The following CNTNAP4 variants were observed in gnomAD, a reference collection of about 807,000 sequenced individuals.
CNTNAP4 encodes contactin associated protein family member 4.
Under a neutral mutation model 148.4 loss-of-function variants are expected in CNTNAP4, and 98 were observed. The ratio of observed to expected loss-of-function variants is 0.66; its 90% CI spans 0.56 to 0.78. CNTNAP4 has a LOEUF of 0.78. Ranked by LOEUF, CNTNAP4 falls within the 30% of genes least tolerant of loss-of-function variation. The probability of loss-of-function intolerance (pLI) is 0.00; values close to 1 mark genes in which losing one functional copy is unlikely to be tolerated. For synonymous variants in CNTNAP4, 730 were observed against 565.1 expected (o/e 1.29, Z -4.14); for missense variants, 1,935 against 1,565.6 (o/e 1.24, Z -3.98).
chr16:76,474,931 A>G (rs887776104), intron 10 of CNTNAP4, among the ~76,000 whole-genome samples: 1 of 152,242 alleles, frequency 6.6e-6, no homozygotes, highest in African/African-American at 2.4e-5. Context: ...TTTTAATTAA[A>G]CACAGTTACT....
chr16:76,361,851 A>G lies in CNTNAP4; in HGVS notation c.390+6340A>G, dbSNP rs565359431. Among the ~76,000 whole-genome samples, 16 of 152,262 alleles carry G rather than the reference A, an allele frequency of 1.1e-4. No individual in the cohort carries two copies. In the South Asian group the frequency reaches 1.9e-3, roughly 18 times the overall value. The stretch of plus-strand genomic sequence containing the variant: ...TTGTTATCTTTTGTTTTCCTTGTTT[A>G]AATGACAGATATCCTAACAGGTGTG... On this transcript the variant is annotated intron_variant, in intron 3 of 23. Transcript: ENST00000611870.
chr16:76,436,114 A>G (rs1382829443), intron 4 of CNTNAP4, among the ~76,000 whole-genome samples: 1 of 152,012 alleles, frequency 6.6e-6, no homozygotes, highest in Non-Finnish European at 1.5e-5. Context: ...TCCTCAGGAG[A>G]ATCAACATTA....
At chr16:76,393,251 A>G (rs1201186769) in intron 3 of CNTNAP4, among the ~76,000 whole-genome samples, 4 of 152,164 alleles carry the variant, frequency 2.6e-5, no homozygotes, top group Non-Finnish European at 4.4e-5. Context: ...CCTATGTCCT[A>G]TATAGGAAAT....
intron 15 of CNTNAP4, among the ~76,000 whole-genome samples, chr16:76,520,415 A>C (rs2083410503): frequency 6.6e-6 from 1 of 152,172 alleles, no homozygotes; most frequent in African/African-American, 2.4e-5. Flanking sequence ...TTTTTTTCAG[A>C]TCTCTTAATT....
intron 3 of CNTNAP4, among the ~76,000 whole-genome samples, chr16:76,357,626 A>G (rs1310966385): frequency 6.6e-6 from 1 of 152,196 alleles, no homozygotes; most frequent in Non-Finnish European, 1.5e-5. Flanking sequence ...TTTTATCTCA[A>G]TATCCCCAAA....
chr16:76,514,309 T>C (rs1485431819), intron 15 of CNTNAP4, among the ~76,000 whole-genome samples: 1 of 152,216 alleles, frequency 6.6e-6, no homozygotes, highest in Admixed American at 6.5e-5. Context: ...AATAATTGGA[T>C]GTTGCTCCAA....
chr16:76,508,753 C>CT (rs373123073), intron 15 of CNTNAP4, among the ~76,000 whole-genome samples: 26,844 of 70,964 alleles, frequency 0.38, 10,550 homozygotes, highest in East Asian at 0.78. Flanking sequence ...AAAATCATAA[C>CT]TTTTTTTTTT....
At chr16:76,298,771 C>A (rs1458589880) in intron 1 of CNTNAP4, among the ~76,000 whole-genome samples, 1 of 152,060 alleles carries the variant, frequency 6.6e-6, no homozygotes, top group Non-Finnish European at 1.5e-5. Flanking sequence ...GGGCACATTT[C>A]CTGAGACATT....
At chr16:76,467,620 ATTC>A in intron 10 of CNTNAP4, 97 bp downstream of exon 10, 1 of 996,048 alleles carries the variant, frequency 1.0e-6, no homozygotes, top group East Asian at 2.6e-5. Flanking sequence ...CCTCTTCCCC[ATTC>A]TTATCTGTTC....
chr16:76,443,207 ATAAT>A (rs1376332972), intron 4 of CNTNAP4, among the ~76,000 whole-genome samples: 5 of 152,162 alleles, frequency 3.3e-5, no homozygotes, highest in Non-Finnish European at 5.9e-5. Context: ...AGTTAGAAAA[ATAAT>A]TCTTATTCTT....
intron 3 of CNTNAP4, among the ~76,000 whole-genome samples, chr16:76,390,205 G>C (rs368001230): frequency 2.0e-5 from 3 of 152,290 alleles, no homozygotes; most frequent in East Asian, 3.9e-4. Flanking sequence ...ACTGGATGCT[G>C]GACTTCAGCA....
chr16:76,328,115 A>C (rs1217149955), intron 2 of CNTNAP4, among the ~76,000 whole-genome samples: 1 of 152,188 alleles, frequency 6.6e-6, no homozygotes, highest in Admixed American at 6.5e-5. Context: ...ATAATTCTCT[A>C]CCTCTGAAGT....
At chr16:76,496,784 A>G (rs937469449) in intron 14 of CNTNAP4, among the ~76,000 whole-genome samples, 2 of 152,206 alleles carry the variant, frequency 1.3e-5, no homozygotes, top group African/African-American at 4.8e-5. Context: ...CATTTACTGA[A>G]TATTCAAAAA....
intron 15 of CNTNAP4, among the ~76,000 whole-genome samples, chr16:76,510,837 A>G (rs987757220): frequency 6.6e-6 from 1 of 152,118 alleles, no homozygotes; most frequent in Non-Finnish European, 1.5e-5. Context: ...TCTTTCTCTC[A>G]GGAATCTATG....
chr16:76,332,529 G>A (rs1275933905), intron 2 of CNTNAP4, among the ~76,000 whole-genome samples: 1 of 151,926 alleles, frequency 6.6e-6, no homozygotes, highest in African/African-American at 2.4e-5. Context: ...CTCCCAAAGT[G>A]CCATTATTAT....
intron 15 of CNTNAP4, among the ~76,000 whole-genome samples, chr16:76,504,076 G>A (rs1189539618): frequency 2.0e-5 from 3 of 151,826 alleles, no homozygotes; most frequent in Non-Finnish European, 4.4e-5. Context: ...TTTTTGGGAG[G>A]GGAGTAGAAA....
chr16:76,451,078 G>C (rs1270560819), intron 7 of CNTNAP4, among the ~76,000 whole-genome samples: 1 of 152,200 alleles, frequency 6.6e-6, no homozygotes, highest in Non-Finnish European at 1.5e-5. Context: ...CGATGGGCCT[G>C]GGCTTGCTGT....
At chr16:76,416,359 T>G (rs2078984286) in intron 3 of CNTNAP4, among the ~76,000 whole-genome samples, 1 of 151,450 alleles carries the variant, frequency 6.6e-6, no homozygotes, top group Non-Finnish European at 1.5e-5. Flanking sequence ...TTGCATTATT[T>G]ATTTAGATCT....
At chr16:76,462,592 T>TA (rs1243813970) in intron 9 of CNTNAP4, among the ~76,000 whole-genome samples, 2 of 152,154 alleles carry the variant, frequency 1.3e-5, no homozygotes, top group African/African-American at 2.4e-5. Context: ...AATGCACTGA[T>TA]ACATTTGATG....
Sources: allele counts gnomAD v4.1 joint callset (sites outside exome capture counted in the v4.1 genomes callset), GRCh38; gene constraint gnomAD v4.1.1; transcripts MANE v1.5; gene names NCBI Gene and HGNC (gene_info 2026-07-23, HGNC 2026-07-21).